The following WDR4 variants were observed in gnomAD, a reference collection of about 807,000 sequenced individuals.
WDR4 encodes tRNA (guanine-N(7)-)-methyltransferase non-catalytic subunit WDR4.
A neutral mutation model predicts 48.6 loss-of-function variants in WDR4; 47 were observed. The observed-to-expected ratio is 0.97, with a 90% CI of 0.77 to 1.23. The LOEUF (loss-of-function observed/expected upper bound fraction) is 1.23. WDR4 is among the 50% of genes most tolerant of loss of function. The probability of loss-of-function intolerance (pLI) is 0.00; values close to 1 mark genes in which losing one functional copy is unlikely to be tolerated. For missense variants in WDR4, 606 were observed against 551.6 expected (o/e 1.10, Z -0.99); for synonymous variants, 268 against 230.0 (o/e 1.17, Z -1.49).
At chr21:42,863,388 G>A (rs1377986599) in intron 4 of WDR4, 52 bp downstream of exon 4, 1 of 1,573,230 alleles carries the variant, frequency 6.4e-7, no homozygotes, top group African/African-American at 1.4e-5. Context: ...CGTCCCCCAT[G>A]TACCGTGTCC....
chr21:42,878,031 C>G (rs2058539797), intron 1 of WDR4, among the ~76,000 whole-genome samples: 1 of 122,250 alleles, frequency 8.2e-6, no homozygotes, highest in South Asian at 2.5e-4. Flanking sequence ...GGCGACAAAG[C>G]GAGACTCCTC....
chr21:42,851,515 A>G (rs2057826768), intron 10 of WDR4, among the ~76,000 whole-genome samples: 1 of 152,162 alleles, frequency 6.6e-6, no homozygotes, highest in Non-Finnish European at 1.5e-5. Flanking sequence ...GCTTTGCAAG[A>G]CTTCAGAGCA....
chr21:42,850,210 G>C lies in WDR4; in HGVS notation c.1078C>G (p.Leu360Val), dbSNP rs1400665704. The change falls in exon 11 of 11, where the codon CTC (leucine) becomes GTC (valine). Residue 360 changes from leucine to valine, a missense_variant. By Grantham distance (32) the Leu-to-Val change is conservative (BLOSUM62 1). Transcript: ENST00000398208. ...ACGTTGTCGAACGTGGCCTTGTAGA[G>C]ACTGCTGAAGCTGGCGTCTGCGCCG... ...SAGADASFSS[L>V]YKATFDNVTS... 1.2e-6 allele frequency: 2 copies of C among 1,606,002 alleles called. No homozygotes were observed. The highest frequency in any genetic ancestry group is 1.7e-5 in the Admixed American group (1 of 58,196).
In WDR4 at chr21:42,853,837, C is replaced by G; in HGVS notation, c.792-85G>C. The G allele has an allele frequency of 2.1e-6, 3 of 1,408,846 alleles. No homozygotes were observed. The South Asian group carries it at 4.1e-5, about 19-fold the overall frequency. The allele number at this position is 1,408,846 out of a possible 1,614,324, so 87.3% of individuals were successfully genotyped here. On this transcript the variant is annotated intron_variant, in intron 8 of 10. Coordinates refer to ENST00000398208, the MANE Select transcript of WDR4 (RefSeq NM_018669.6). Reference sequence around the variant, plus strand: ...CAGCCAGCACCCCAGACGGTGCAGCCCTCGCCGGTGCCACCTCAGGAGAGC... The same window carrying G: ...CAGCCAGCACCCCAGACGGTGCAGCGCTCGCCGGTGCCACCTCAGGAGAGC...
rs937707118 is a variant in WDR4 at position 42,855,795 on chromosome 21, C to T, written c.628-15G>A. On this transcript the variant is annotated splice_polypyrimidine_tract_variant and intron_variant, in intron 6 of 10. Transcript: ENST00000398208. The stretch of plus-strand genomic sequence containing the variant: ...AGGGTGCCGTCCTGCACAAACCAAA[C>T]ACACAGGTTAGCACATGGTTGTGGG... 5 of 1,542,308 alleles carry T rather than the reference C, an allele frequency of 3.2e-6. No individual in the cohort carries two copies. In the African/African-American group the frequency reaches 5.5e-5, roughly 17 times the overall value.
At chr21:42,852,196 T>A in intron 10 of WDR4, 59 bp downstream of exon 10, 1 of 1,588,840 alleles carries the variant, frequency 6.3e-7, no homozygotes, top group East Asian at 2.2e-5. Flanking sequence ...GTGCTTCTGC[T>A]TTCTCTGGGG....
At chr21:42,868,090 G>C (rs1883410862) in intron 3 of WDR4, among the ~76,000 whole-genome samples, 1 of 152,130 alleles carries the variant, frequency 6.6e-6, no homozygotes, top group East Asian at 1.9e-4. Context: ...AACTGCCACA[G>C]GCAACCACAT....
chr21:42,853,966 T>A (rs1296223203), intron 8 of WDR4, among the ~76,000 whole-genome samples: 1 of 152,076 alleles, frequency 6.6e-6, no homozygotes, highest in African/African-American at 2.4e-5. Context: ...TGGCTCGTGG[T>A]GCAGCAATAG....
chr21:42,853,805 C>T (rs1044511053), intron 8 of WDR4, 53 bp from the exon 9 acceptor site: 35 of 1,507,200 alleles, frequency 2.3e-5, no homozygotes, highest in African/African-American at 1.2e-4. Flanking sequence ...CCACGGGCTC[C>T]GCTCTGCAGC....
intron 10 of WDR4, among the ~76,000 whole-genome samples, chr21:42,851,496 T>C (rs1569312524): frequency 6.6e-6 from 1 of 152,096 alleles, no homozygotes; most frequent in African/African-American, 2.4e-5. Flanking sequence ...CTCACTGCAG[T>C]GGGGTTTAGC....
chr21:42,863,424 C>T lies in WDR4; in HGVS notation c.453+16G>A, dbSNP rs767389558. On this transcript the variant is annotated intron_variant, in intron 4 of 10. Transcript: ENST00000398208. Reference sequence around the variant, plus strand: ...CACACCTGCCATGTCCCCCACCTACCACGTCCCCCACCTACCACATCTAAC... The same window carrying T: ...CACACCTGCCATGTCCCCCACCTACTACGTCCCCCACCTACCACATCTAAC... 31 of 1,601,072 alleles carry T rather than the reference C, an allele frequency of 1.9e-5. No individual in the cohort carries two copies. In the African/African-American group the frequency reaches 2.4e-4, roughly 12 times the overall value.
At chr21:42,877,802 T>C (rs906488808) in intron 1 of WDR4, among the ~76,000 whole-genome samples, 11 of 152,068 alleles carry the variant, frequency 7.2e-5, no homozygotes, top group Non-Finnish European at 1.2e-4. Context: ...CCCAGCACTT[T>C]GGGAGGCCGA....
intron 3 of WDR4, 33 bp from the exon 4 acceptor site, chr21:42,863,629 C>T (rs541573959): frequency 6.2e-7 from 1 of 1,602,872 alleles, no homozygotes; most frequent in South Asian, 1.1e-5. Flanking sequence ...CCATTAGCTT[C>T]CAGGAGCAGC....
upstream of WDR4, among the ~76,000 whole-genome samples, chr21:42,884,140 GCATATATCA>G: frequency 6.6e-6 from 1 of 152,288 alleles, no homozygotes; most frequent in Middle Eastern, 3.4e-3. Flanking sequence ...TCCACTGAAT[GCATATATCA>G]CATATATCAC....
chr21:42,853,603 A>AG lies in WDR4; in HGVS notation c.940dup (p.Leu314ProfsTer16), dbSNP rs776760122. On this transcript the variant is annotated frameshift_variant, in exon 9 of 11. Coordinates refer to ENST00000398208, the MANE Select transcript of WDR4 (RefSeq NM_018669.6). LOFTEE classifies it high-confidence loss of function. ...GTCGCCCACAGGCCTGTAGAGCACC[A>AG]GGGGGGCTTCCTGGCAGTCCTGGAG... 2 of 1,610,714 alleles carry AG rather than the reference A, an allele frequency of 1.2e-6. No individual in the cohort carries two copies. Among genetic ancestry groups the AG allele is most frequent in the Admixed American group, 1.7e-5 (1 of 59,578 alleles).
At chr21:42,880,857 G>A (rs2058602667), upstream of WDR4, among the ~76,000 whole-genome samples, 3 of 151,994 alleles carry the variant, frequency 2.0e-5, no homozygotes, top group Admixed American at 2.0e-4. Context: ...TTCACTACAA[G>A]TCCCTTAAAA....
Position 42,863,575 on chromosome 21 carries a change from T to C in WDR4, c.318A>G (p.Thr106=), listed in dbSNP as rs752229626. Residue 106 remains threonine, a synonymous_variant, in exon 4 of 11, where the codon ACA becomes ACG. Transcript: ENST00000398208. ...CCTCCGAGGCTATGAAAGTCAGGGC[T>C]GTACACCTCCTTGCCACGGTCCTAG... ...LSVRTVARRC[T]ALTFIASEEK... is the part of the protein sequence containing the mutation. 12 of 1,613,256 alleles carry C rather than the reference T, an allele frequency of 7.4e-6. No individual in the cohort carries two copies. The South Asian group carries it at 1.2e-4, about 16-fold the overall frequency.
chr21:42,853,440 C>T, intron 9 of WDR4, 129 bp downstream of exon 9: 1 of 1,113,500 alleles, frequency 9.0e-7, no homozygotes, highest in Non-Finnish European at 1.3e-6. Context: ...AGGACACAGA[C>T]CCTGGGCCCC....
chr21:42,867,392 CCA>C (rs1569329604), intron 3 of WDR4, among the ~76,000 whole-genome samples: 9 of 64,940 alleles, frequency 1.4e-4, no homozygotes, highest in Non-Finnish European at 9.7e-5. Flanking sequence ...CTCCGCTCCA[CCA>C]AAAAAAAAAA....
Sources: allele counts gnomAD v4.1 joint callset (sites outside exome capture counted in the v4.1 genomes callset), GRCh38; gene constraint gnomAD v4.1.1; transcripts MANE v1.5; gene names NCBI Gene and HGNC (gene_info 2026-07-23, HGNC 2026-07-21).